The following IPO7 variants were observed in gnomAD, a reference collection of about 807,000 sequenced individuals.
IPO7 encodes importin-7.
A neutral mutation model predicts 136.4 loss-of-function variants in IPO7; 13 were observed. The ratio of observed to expected loss-of-function variants is 0.10; its 90% CI spans 0.06 to 0.15. The LOEUF is 0.15. IPO7 is among the 10% of genes least tolerant of loss of function. The pLI, the probability that IPO7 is intolerant of heterozygous loss-of-function variation, is 1.00. For synonymous variants in IPO7, 403 were observed against 404.4 expected (o/e 1.00, Z 0.04); for missense variants, 857 against 1,240.6 (o/e 0.69, Z 4.65).
At chr11:9,409,560 A>G (rs1299744089) in intron 3 of IPO7, among the ~76,000 whole-genome samples, 1 of 152,066 alleles carries the variant, frequency 6.6e-6, no homozygotes, top group Non-Finnish European at 1.5e-5. Context: ...TTGTGTTTTT[A>G]GTAGAGATGG....
At chr11:9,429,267 C>T in intron 14 of IPO7, 71 bp downstream of exon 14, 1 of 1,294,030 alleles carries the variant, frequency 7.7e-7, no homozygotes, top group Middle Eastern at 1.9e-4. Flanking sequence ...GTAATCTTAG[C>T]ACTTCGGTAG....
At chr11:9,389,790 C>T (rs562183840) in intron 1 of IPO7, among the ~76,000 whole-genome samples, 107 of 146,584 alleles carry the variant, frequency 7.3e-4, no homozygotes, top group African/African-American at 2.6e-3. Context: ...AGTGGAGTTT[C>T]GCTCTTTTTG....
intron 4 of IPO7, among the ~76,000 whole-genome samples, chr11:9,413,353 A>G (rs1283738935): frequency 1.3e-5 from 2 of 152,156 alleles, no homozygotes; most frequent in African/African-American, 4.8e-5. Context: ...TAGAAATAAA[A>G]TATTTTCTGC....
In IPO7 at chr11:9,428,130, A is replaced by G. The variant is rs187880995; in HGVS notation, c.1336-410A>G. Among the ~76,000 whole-genome samples, 488 of 149,602 alleles carry G rather than the reference A, an allele frequency of 3.3e-3. 2 individuals are homozygous for G. Among genetic ancestry groups the G allele is most frequent in the African/African-American group, 0.011 (448 of 40,808 alleles). ...GCAAGACTCCGTCTCAAAAAAAAAG[A>G]AAAAAAAAAGAGTGTGCCTTTTTAG... On this transcript the variant is annotated intron_variant, in intron 12 of 24. Coordinates refer to ENST00000379719, the MANE Select transcript of IPO7 (RefSeq NM_006391.3).
At chr11:9,409,475 G>A (rs1185388534) in intron 3 of IPO7, among the ~76,000 whole-genome samples, 7 of 152,008 alleles carry the variant, frequency 4.6e-5, no homozygotes, top group African/African-American at 1.7e-4. Context: ...TATAAAACTT[G>A]TGGGCCGGGC....
At chr11:9,408,042 T>C (rs1306301764) in intron 2 of IPO7, among the ~76,000 whole-genome samples, 2 of 152,196 alleles carry the variant, frequency 1.3e-5, no homozygotes, top group African/African-American at 4.8e-5. Context: ...TTAAGAACCT[T>C]TATATGCTAT....
At chr11:9,434,836 G>T (rs1009423106) in intron 18 of IPO7, 98 bp from the exon 19 acceptor site, 3 of 789,478 alleles carry the variant, frequency 3.8e-6, no homozygotes, top group African/African-American at 3.4e-5. Context: ...GAGACAAAAT[G>T]ATCTCATAGA....
In IPO7 at chr11:9,384,794, C is replaced by T. The variant is rs750055392; in HGVS notation, c.31C>T (p.Arg11Trp). Residue 11 changes from arginine (R) to tryptophan (W), a missense_variant, in exon 1 of 25, where the codon CGG becomes TGG. Arg to Trp is a moderately radical substitution (Grantham distance 101). Around this residue, in one of 11 missense-constraint regions of IPO7, gnomAD observed 49 missense variants for 59.9 expected, o/e 0.82. Transcript: ENST00000379719. MDPNTIIEAL[R>W]GTMDPALREA... is the part of the protein sequence containing the mutation. ...CCCCAACACCATTATCGAGGCCCTG[C>T]GGGGCACTATGGACCCAGCCCTGCG... The T allele has an allele frequency of 1.2e-6, 2 of 1,607,242 alleles. No homozygotes were observed. Among genetic ancestry groups the T allele is most frequent in the Non-Finnish European group, 1.7e-6 (2 of 1,176,980 alleles).
intron 9 of IPO7, 57 bp from the exon 10 acceptor site, chr11:9,423,720 T>C: frequency 9.0e-7 from 1 of 1,115,120 alleles, no homozygotes; most frequent in South Asian, 1.4e-5. Flanking sequence ...TAAAGGAAAT[T>C]TGAAGGTTTA....
At chr11:9,444,963 T>A (rs571640816) in intron 24 of IPO7, 134 bp from the exon 25 acceptor site, 1 of 638,092 alleles carries the variant, frequency 1.6e-6, no homozygotes, top group East Asian at 2.7e-5. Context: ...CCTTATACAT[T>A]GGAGAAATCA....
chr11:9,435,905 A>G (rs2133762329), intron 19 of IPO7, among the ~76,000 whole-genome samples: 1 of 152,242 alleles, frequency 6.6e-6, no homozygotes, highest in South Asian at 2.1e-4. Context: ...TCAACATCTT[A>G]GCTTTTTGTA....
intron 22 of IPO7, among the ~76,000 whole-genome samples, chr11:9,439,570 T>G (rs1855431289): frequency 6.6e-6 from 1 of 152,002 alleles, no homozygotes; most frequent in Non-Finnish European, 1.5e-5. Flanking sequence ...GGGTTTTTTT[T>G]GTTTGTTTTT....
chr11:9,434,998 G>A lies in IPO7; in HGVS notation c.2139G>A (p.Lys713=). The A allele has an allele frequency of 6.2e-7, 1 of 1,607,398 alleles. No homozygotes were observed. Among genetic ancestry groups the A allele is most frequent in the Non-Finnish European group, 8.5e-7 (1 of 1,174,160 alleles). The change falls in exon 19 of 25, where the codon AAG becomes AAA. Residue 713 remains lysine (K), a synonymous_variant. Coordinates refer to ENST00000379719, the MANE Select transcript of IPO7 (RefSeq NM_006391.3). ...VDTDTLLSDT[K]YLEMIYSMCK... is the part of the protein sequence containing the mutation. The stretch of plus-strand genomic sequence containing the variant: ...CAGACACACTTCTGTCTGACACCAA[G>A]TATCTTGAAATGATATACAGTATGT...
intron 24 of IPO7, among the ~76,000 whole-genome samples, chr11:9,442,483 A>C (rs1855472527): frequency 6.6e-6 from 1 of 151,752 alleles, no homozygotes; most frequent in Non-Finnish European, 1.5e-5. Context: ...ATGCGATGTC[A>C]GCTCACTGCA....
intron 2 of IPO7, 121 bp downstream of exon 2, chr11:9,403,492 C>T: frequency 1.5e-6 from 1 of 671,590 alleles, no homozygotes. Context: ...AATTTGTTTA[C>T]CTTCAGTGTT....
intron 1 of IPO7, among the ~76,000 whole-genome samples, chr11:9,388,842 C>T (rs1854588337): frequency 6.6e-6 from 1 of 152,140 alleles, no homozygotes; most frequent in South Asian, 2.1e-4. Context: ...GCTGGGACTG[C>T]AGACACGTGC....
intron 5 of IPO7, among the ~76,000 whole-genome samples, chr11:9,416,487 A>G (rs1015312724): frequency 6.6e-6 from 1 of 152,210 alleles, no homozygotes; most frequent in Non-Finnish European, 1.5e-5. Context: ...TTCTCAACTC[A>G]TTCTTTGAGA....
chr11:9,392,659 A>G (rs1270755244), intron 1 of IPO7, among the ~76,000 whole-genome samples: 1 of 152,056 alleles, frequency 6.6e-6, no homozygotes, highest in Non-Finnish European at 1.5e-5. Context: ...ATACAAAGTT[A>G]CAGTTTTGGC....
chr11:9,433,717 T>C lies in IPO7; in HGVS notation c.1949-4T>C, dbSNP rs1346971125. The C allele has an allele frequency of 1.2e-6, 2 of 1,612,904 alleles. No individual in the cohort carries two copies. Among genetic ancestry groups the C allele is most frequent in the South Asian group, 1.1e-5 (1 of 91,020 alleles). Reference sequence around the variant, plus strand: ...TTTCCTAATGACTTAGTATTCTCTTTTAGAATTCTATGAGGAGATCTTCTC... The same window carrying C: ...TTTCCTAATGACTTAGTATTCTCTTCTAGAATTCTATGAGGAGATCTTCTC... On this transcript the variant is annotated splice_region_variant and splice_polypyrimidine_tract_variant and intron_variant, in intron 17 of 24. Transcript: ENST00000379719.
Sources: gnomAD v4.1 joint callset for allele counts (sites outside exome capture counted in the v4.1 genomes callset) on GRCh38, gnomAD v4.1.1 for gene constraint, gnomAD v4.1.1 regional missense constraint, MANE v1.5 for transcripts, NCBI Gene and HGNC (gene_info 2026-07-23, HGNC 2026-07-21) for gene names.